The following ISG20 variants were observed in gnomAD, a reference collection of about 807,000 sequenced individuals.
ISG20 encodes interferon stimulated exonuclease gene 20, also known as interferon-stimulated gene 20 kDa protein.
In ISG20, 8 loss-of-function variants were observed where a neutral mutation model predicts 11.1. The observed-to-expected ratio is 0.72, with a 90% CI of 0.42 to 1.30. The LOEUF (loss-of-function observed/expected upper bound fraction) is 1.30, where lower values mean the gene tolerates loss of function less well. Among genes scored for constraint, ISG20 ranks in the 50% most tolerant of loss-of-function variants. The pLI is 0.01. For missense variants in ISG20, 243 were observed against 250.2 expected (o/e 0.97, Z 0.19); for synonymous variants, 110 against 101.7 (o/e 1.08, Z -0.49).
intron 2 of ISG20, among the ~76,000 whole-genome samples, chr15:88,641,477 G>A (rs2058079851): frequency 1.3e-5 from 2 of 152,158 alleles, no homozygotes; most frequent in Admixed American, 1.3e-4. Flanking sequence ...CCTTTTGAGG[G>A]TTGTGAGTGG....
chr15:88,655,059 T>C (rs770598952), intron 3 of ISG20, among the ~76,000 whole-genome samples: 8 of 152,192 alleles, frequency 5.3e-5, no homozygotes, highest in Non-Finnish European at 8.8e-5. Context: ...CTAGCTGGAG[T>C]TCCTCACTCC....
At chr15:88,651,299 T>C (rs2058269500) in intron 2 of ISG20, 1 of 985,196 alleles carries the variant, frequency 1.0e-6, no homozygotes, top group Non-Finnish European at 1.2e-6. Context: ...CTGTTAGTTT[T>C]CTGTGGCTGC....
upstream of ISG20, chr15:88,636,261 C>T (rs1410925668): frequency 6.6e-6 from 1 of 152,260 alleles, no homozygotes; most frequent in Admixed American, 6.5e-5. Context: ...GATTTGTGGG[C>T]GTAGCCTGCC....
upstream of ISG20, chr15:88,636,389 C>T (rs2057985408): frequency 6.6e-6 from 1 of 152,230 alleles, no homozygotes; most frequent in Non-Finnish European, 1.5e-5. Flanking sequence ...GCACACAATA[C>T]ACTTGAAAAA....
Position 88,655,545 on chromosome 15 carries a change from C to T in ISG20, c.*14C>T. 1 of 1,605,806 alleles carries T rather than the reference C, an allele frequency of 6.2e-7. No individual in the cohort carries two copies. The highest frequency in any genetic ancestry group is 8.5e-7 in the Non-Finnish European group (1 of 1,173,478). ...GTGTCAGACTGAAGCCCCATCCAGC[C>T]CGTTCCGCAGGGACTAGAGGCTTTC... On this transcript the variant is annotated 3_prime_UTR_variant, in exon 4 of 4. Coordinates refer to ENST00000306072, the MANE Select transcript of ISG20 (RefSeq NM_002201.6).
upstream of ISG20, among the ~76,000 whole-genome samples, chr15:88,638,545 T>C (rs934103464): frequency 1.3e-5 from 2 of 152,140 alleles, no homozygotes; most frequent in Admixed American, 1.3e-4. Context: ...GGCTAGCCAC[T>C]CCCACCACAA....
upstream of ISG20, among the ~76,000 whole-genome samples, chr15:88,637,596 G>C (rs1042085967): frequency 2.0e-5 from 3 of 152,100 alleles, no homozygotes; most frequent in African/African-American, 2.4e-5. Context: ...GCTCAGGTGA[G>C]ACAGAGCAGG....
upstream of ISG20, among the ~76,000 whole-genome samples, chr15:88,638,385 G>A (rs146785412): frequency 2.0e-3 from 302 of 152,308 alleles, no homozygotes; most frequent in Admixed American, 2.9e-3. Flanking sequence ...AAGTGTGGCC[G>A]GGCTGGTGGG....
chr15:88,655,552 G>T lies in ISG20; in HGVS notation c.*21G>T. The stretch of plus-strand genomic sequence containing the variant: ...ACTGAAGCCCCATCCAGCCCGTTCC[G>T]CAGGGACTAGAGGCTTTCGGCTTTT... On this transcript the variant is annotated 3_prime_UTR_variant, in exon 4 of 4. Transcript: ENST00000306072. 1 of 1,590,554 alleles carries T rather than the reference G, an allele frequency of 6.3e-7. No homozygotes were observed. The highest frequency in any genetic ancestry group is 1.1e-5 in the South Asian group (1 of 90,428).
intron 2 of ISG20, among the ~76,000 whole-genome samples, chr15:88,640,851 C>T (rs1304665353): frequency 1.3e-5 from 2 of 151,544 alleles, no homozygotes; most frequent in African/African-American, 4.9e-5. Context: ...CCCATGGTCA[C>T]AGCTACTCCA....
At chr15:88,652,339 C>A in intron 3 of ISG20, 29 bp downstream of exon 3, 1 of 1,333,094 alleles carries the variant, frequency 7.5e-7, no homozygotes. Context: ...TTCTCCTCCT[C>A]CCCCCTCCTC....
intron 2 of ISG20, among the ~76,000 whole-genome samples, chr15:88,644,956 T>C (rs1161742831): frequency 6.6e-6 from 1 of 152,224 alleles, no homozygotes; most frequent in Non-Finnish European, 1.5e-5. Flanking sequence ...TGGGCGCCCT[T>C]GAGCATTGGC....
intron 2 of ISG20, among the ~76,000 whole-genome samples, chr15:88,641,924 CTCTTTTTTTTT>C (rs748923116): frequency 8.6e-6 from 1 of 116,642 alleles, no homozygotes; most frequent in Non-Finnish European, 1.7e-5. Flanking sequence ...GGTTAGCTTC[CTCTTTTTTTTT>C]TTTTTTTTTT....
At chr15:88,637,735 T>TG (rs2058008328), upstream of ISG20, among the ~76,000 whole-genome samples, 1 of 152,122 alleles carries the variant, frequency 6.6e-6, no homozygotes, top group Non-Finnish European at 1.5e-5. Flanking sequence ...CACGGGGCAC[T>TG]GGGGGGTCCT....
upstream of ISG20, among the ~76,000 whole-genome samples, chr15:88,638,027 T>G (rs909962655): frequency 6.6e-6 from 1 of 152,192 alleles, no homozygotes; most frequent in African/African-American, 2.4e-5. Flanking sequence ...GGTTTTATTT[T>G]TGAGGTTTGT....
chr15:88,644,668 G>C (rs747010064), intron 2 of ISG20, among the ~76,000 whole-genome samples: 1 of 152,134 alleles, frequency 6.6e-6, no homozygotes, highest in Non-Finnish European at 1.5e-5. Flanking sequence ...AACGTTTGGA[G>C]AGTCACCAGA....
Position 88,656,035 on chromosome 15 carries a change from T to G in ISG20, c.*504T>G, listed in dbSNP as rs2058370429. On this transcript the variant is annotated 3_prime_UTR_variant, in exon 4 of 4. Transcript: ENST00000306072. ...TTGAGCAAGTCACCCCTCCTATTTG[T>G]AAAATGAGGAAGGAAAGGTAACAAA... 1 of 152,310 alleles carries G rather than the reference T, an allele frequency of 6.6e-6. No homozygotes were observed. Among genetic ancestry groups the G allele is most frequent in the Admixed American group, 6.5e-5 (1 of 15,282 alleles). The allele number at this position is 152,310 out of a possible 1,614,324, so 9.4% of individuals were successfully genotyped here.
chr15:88,641,926 C>CTTTTTTTTT (rs140178121), intron 2 of ISG20, among the ~76,000 whole-genome samples: 3 of 102,846 alleles, frequency 2.9e-5, no homozygotes, highest in Admixed American at 1.1e-4. Context: ...TTAGCTTCCT[C>CTTTTTTTTT]TTTTTTTTTT....
chr15:88,637,155 G>T (rs572954484), upstream of ISG20, among the ~76,000 whole-genome samples: 2 of 152,252 alleles, frequency 1.3e-5, no homozygotes, highest in South Asian at 2.1e-4. Flanking sequence ...GATGCAGGGG[G>T]TTTCAGAACA....
Sources: allele counts gnomAD v4.1 joint callset (sites outside exome capture counted in the v4.1 genomes callset), GRCh38; gene constraint gnomAD v4.1.1; transcripts MANE v1.5; gene names NCBI Gene and HGNC (gene_info 2026-07-23, HGNC 2026-07-21).